Variants in GTPBP4 observed in about 807,000 individuals in gnomAD.
GTPBP4 encodes the protein GTP-binding protein 4.
A neutral mutation model predicts 81.7 loss-of-function variants in GTPBP4; 15 were observed. The ratio of observed to expected loss-of-function variants is 0.18; its 90% CI spans 0.12 to 0.28. GTPBP4 has a LOEUF of 0.28. Among genes scored for constraint, GTPBP4 ranks in the 10% least tolerant of loss-of-function variants. GTPBP4 has a pLI of 1.00. For missense variants in GTPBP4, 847 were observed against 793.8 expected (o/e 1.07, Z -0.81); for synonymous variants, 272 against 274.6 (o/e 0.99, Z 0.09).
chr10:994,397 T>C (rs982762507), intron 2 of GTPBP4, among the ~76,000 whole-genome samples: 4 of 152,036 alleles, frequency 2.6e-5, no homozygotes, highest in African/African-American at 9.7e-5. Context: ...GCCTCCCGAG[T>C]AGCTGGGATT....
At chr10:1,016,325 C>G (rs1831992629) in intron 16 of GTPBP4, among the ~76,000 whole-genome samples, 1 of 152,198 alleles carries the variant, frequency 6.6e-6, no homozygotes, top group Non-Finnish European at 1.5e-5. Context: ...GATTGTTCCC[C>G]CCAGGTGGAG....
chr10:1,002,616 T>C (rs773284941), intron 8 of GTPBP4, among the ~76,000 whole-genome samples: 4 of 152,196 alleles, frequency 2.6e-5, no homozygotes, highest in Non-Finnish European at 5.9e-5. Context: ...GAATTCTCTG[T>C]TTTTGCTTTT....
chr10:996,276 C>G (rs923432796), intron 4 of GTPBP4, 34 bp downstream of exon 4: 2 of 1,583,440 alleles, frequency 1.3e-6, no homozygotes, highest in Middle Eastern at 1.7e-4. Flanking sequence ...ACCGTGCTAG[C>G]ATCCTGCTGA....
Position 999,034 on chromosome 10 carries a change from A to T in GTPBP4, c.593A>T (p.Tyr198Phe). ...AGAGCAGACGTGGATGTCCAGCCCTATGCGTTCACAACCAAGTCTCTGTTT... is the reference window on the plus strand; with the variant it reads ...AGAGCAGACGTGGATGTCCAGCCCTTTGCGTTCACAACCAAGTCTCTGTTT... Reference protein sequence around the residue: ...VTRADVDVQPYAFTTKSLFVG... With the variant: ...VTRADVDVQPFAFTTKSLFVG... Residue 198 changes from tyrosine to phenylalanine, a missense_variant, in exon 6 of 17, where the codon TAT (tyrosine) becomes TTT (phenylalanine). This residue lies in a region of GTPBP4 where 600 missense variants were observed against 557.1 expected (regional missense o/e 1.08). Transcript: ENST00000360803. 1 of 1,609,466 alleles carries T rather than the reference A, an allele frequency of 6.2e-7. No homozygotes were observed. Among genetic ancestry groups the T allele is most frequent in the Non-Finnish European group, 8.5e-7 (1 of 1,175,692 alleles).
chr10:1,005,688 C>G (rs1216171230), intron 8 of GTPBP4, 130 bp from the exon 9 acceptor site: 9 of 634,068 alleles, frequency 1.4e-5, no homozygotes, highest in African/African-American at 3.7e-5. Context: ...TAGGATATGT[C>G]TGTTTTTTAA....
intron 8 of GTPBP4, among the ~76,000 whole-genome samples, chr10:1,001,793 T>A (rs1027213366): frequency 6.6e-6 from 1 of 152,168 alleles, no homozygotes; most frequent in Non-Finnish European, 1.5e-5. Flanking sequence ...TGATGAGATT[T>A]GTTTTGTGGC....
At position 1,012,646 on chromosome 10, in the gene GTPBP4, C is replaced by G. The variant is rs762424442; in HGVS notation, c.1526C>G (p.Pro509Arg). 9.3e-6 allele frequency: 15 copies of G among 1,612,098 alleles called. No homozygotes were observed. The East Asian group carries it at 1.1e-4, about 12-fold the overall frequency. ...KEKNTQGPRM[P>R]RTAKKVQRTV... ...AAGAATACACAGGGACCCAGGATGC[C>G]GCGAACTGCTAAGAAGGCAAGTTTG... Residue 509 changes from proline (P) to arginine (R), a missense_variant, in exon 14 of 17, where the codon CCG becomes CGG. By Grantham distance (103) the Pro-to-Arg change is moderately radical. This residue lies in a region of GTPBP4 where 600 missense variants were observed against 557.1 expected (regional missense o/e 1.08). Coordinates refer to ENST00000360803, the MANE Select transcript of GTPBP4 (RefSeq NM_012341.3).
At chr10:994,389 C>G (rs775531786) in intron 2 of GTPBP4, among the ~76,000 whole-genome samples, 13 of 152,138 alleles carry the variant, frequency 8.5e-5, no homozygotes, top group Middle Eastern at 3.2e-3. Context: ...CCACCTCAGC[C>G]TCCCGAGTAG....
rs1240870877 is a variant in GTPBP4, at chr10:991,931, G to A, written c.49-558G>A. On this transcript the variant is annotated intron_variant, in intron 1 of 16. Coordinates refer to ENST00000360803, the MANE Select transcript of GTPBP4 (RefSeq NM_012341.3). Reference sequence around the variant, plus strand: ...AGGATGGTCTCGATCTCCTGACCTCGTGATCCGCCCGCCTCAGCCTCCCAA... The same window carrying A: ...AGGATGGTCTCGATCTCCTGACCTCATGATCCGCCCGCCTCAGCCTCCCAA... Among the ~76,000 whole-genome samples the A allele has an allele frequency of 8.0e-4, 118 of 147,626 alleles. 1 individual carries two copies. The highest frequency in any genetic ancestry group is 2.5e-3 in the African/African-American group (102 of 40,684).
At chr10:996,311 T>A in intron 4 of GTPBP4, 69 bp downstream of exon 4, 14 of 1,363,798 alleles carry the variant, frequency 1.0e-5, no homozygotes, top group Non-Finnish European at 1.4e-5. Flanking sequence ...GTTGAGGACT[T>A]GAGATGTCTG....
At chr10:1,006,057 G>A (rs1831724373) in intron 9 of GTPBP4, 150 bp downstream of exon 9, 3 of 564,154 alleles carry the variant, frequency 5.3e-6, no homozygotes, top group Non-Finnish European at 3.1e-6. Context: ...AGAGTGGGGC[G>A]TGAAGACAGA....
At position 1,015,612 on chromosome 10, in the gene GTPBP4, G is replaced by T. The variant is rs144970442; in HGVS notation, c.1609-141G>T. ...TGGGAGCGGGGCTGGGGTCCTGAGC[G>T]CTGAGCCTGGGAGTGGACCTGGGGT... On this transcript the variant is annotated intron_variant, in intron 15 of 16. Coordinates refer to ENST00000360803, the MANE Select transcript of GTPBP4 (RefSeq NM_012341.3). The T allele has an allele frequency of 2.0e-3, 214 of 104,624 alleles. 3 individuals are homozygous for T. The highest frequency in any genetic ancestry group is 0.01 in the African/African-American group (36 of 3,440). 6.5% of individuals were successfully genotyped at this position (104,624 alleles called of 1,614,324 possible).
chr10:990,685 G>A (rs893515492), intron 1 of GTPBP4, among the ~76,000 whole-genome samples: 4 of 141,310 alleles, frequency 2.8e-5, no homozygotes, highest in South Asian at 2.3e-4. Flanking sequence ...CCGAGATCGC[G>A]CCACTGCACT....
At position 1,011,260 on chromosome 10, in the gene GTPBP4, G is replaced by A. The variant is rs555461366; in HGVS notation, c.1344+740G>A. On this transcript the variant is annotated intron_variant, in intron 13 of 16. Coordinates refer to ENST00000360803, the MANE Select transcript of GTPBP4 (RefSeq NM_012341.3). ...CTGGACCCTCTTCCTTGGGGGCTCCGCTGTGTCACATCTTTTTCCTGCCTC... is the reference window on the plus strand; with the variant it reads ...CTGGACCCTCTTCCTTGGGGGCTCCACTGTGTCACATCTTTTTCCTGCCTC... 8.5e-5 allele frequency among the ~76,000 whole-genome samples: 13 copies of A among 152,232 alleles called. No individual in the cohort carries two copies. In the South Asian group the frequency reaches 1.0e-3, roughly 12 times the overall value.
At chr10:997,424 A>G (rs1831554399) in intron 5 of GTPBP4, 116 bp downstream of exon 5, 2 of 747,566 alleles carry the variant, frequency 2.7e-6, no homozygotes, top group Non-Finnish European at 4.9e-6. Flanking sequence ...CTGTATTCTG[A>G]CTGCGTGGGA....
Position 1,019,562 on chromosome 10 carries a change from A to G in GTPBP4, c.*2335A>G, listed in dbSNP as rs762940863. On this transcript the variant is annotated 3_prime_UTR_variant, in exon 17 of 17. Transcript: ENST00000360803. Reference sequence around the variant, plus strand: ...GAAGCTCCACAAACGGGGTCACGTCATCCAGGTGAGGCCACCACCGGTACA... The same window carrying G: ...GAAGCTCCACAAACGGGGTCACGTCGTCCAGGTGAGGCCACCACCGGTACA... 1.2e-6 allele frequency: 2 copies of G among 1,613,774 alleles called. No homozygotes were observed. Among genetic ancestry groups the G allele is most frequent in the Admixed American group, 3.3e-5 (2 of 59,970 alleles).
chr10:1,010,756 C>A (rs568063327), intron 13 of GTPBP4, among the ~76,000 whole-genome samples: 1 of 149,004 alleles, frequency 6.7e-6, no homozygotes, highest in Non-Finnish European at 1.5e-5. Flanking sequence ...CCACCCACCC[C>A]GGACACTCTG....
chr10:1,011,627 G>A (rs181131550), intron 13 of GTPBP4, among the ~76,000 whole-genome samples: 1 of 152,220 alleles, frequency 6.6e-6, no homozygotes, highest in African/African-American at 2.4e-5. Context: ...CCGTCATTGA[G>A]TTCACATTTT....
intron 9 of GTPBP4, among the ~76,000 whole-genome samples, chr10:1,006,638 CA>C (rs1221078301): frequency 2.7e-5 from 4 of 150,908 alleles, no homozygotes; most frequent in African/African-American, 4.9e-5. Context: ...GATACCATCT[CA>C]AAAAAAAAGA....
Sources: allele counts gnomAD v4.1 joint callset (sites outside exome capture counted in the v4.1 genomes callset), GRCh38; gene constraint gnomAD v4.1.1; regional missense constraint gnomAD v4.1.1; transcripts MANE v1.5; gene names NCBI Gene and HGNC (gene_info 2026-07-23, HGNC 2026-07-21).